MRRF: variants seen among roughly 807,000 people sequenced by gnomAD.
The protein encoded by MRRF is mitochondrial ribosome recycling factor.
A neutral mutation model predicts 25.1 loss-of-function variants in MRRF; 18 were observed. That is an observed-to-expected ratio of 0.72 (90% CI 0.50 to 1.06). The LOEUF (loss-of-function observed/expected upper bound fraction) is 1.06. Among genes scored for constraint, MRRF ranks in the 50% least tolerant of loss-of-function variants. MRRF has a pLI of 0.00. For missense variants in MRRF, 323 were observed against 319.3 expected (o/e 1.01, Z -0.09); for synonymous variants, 113 against 112.1 (o/e 1.01, Z -0.05).
intron 5 of MRRF, among the ~76,000 whole-genome samples, chr9:122,311,341 C>T (rs1835194116): frequency 6.6e-6 from 1 of 152,192 alleles, no homozygotes; most frequent in African/African-American, 2.4e-5. Context: ...GTCTTCCTCC[C>T]TCCCTTTCTC....
intron 5 of MRRF, among the ~76,000 whole-genome samples, chr9:122,310,347 C>G (rs946218689): frequency 8.5e-5 from 13 of 152,104 alleles, no homozygotes; most frequent in African/African-American, 3.1e-4. Context: ...TTCTTTGGAG[C>G]CAGGGGTTTG....
chr9:122,323,577 A>G lies in MRRF; in HGVS notation c.*960A>G, dbSNP rs1241368483. 6.6e-6 allele frequency: 1 copy of G among 152,180 alleles called. No individual in the cohort carries two copies. Among genetic ancestry groups the G allele is most frequent in the Non-Finnish European group, 1.5e-5 (1 of 68,032 alleles). 9.4% of individuals were successfully genotyped at this position (152,180 alleles called of 1,614,324 possible). On this transcript the variant is annotated 3_prime_UTR_variant, in exon 7 of 7. Coordinates refer to ENST00000344641, the MANE Select transcript of MRRF (RefSeq NM_138777.5). ...CATACCTTTCCTGCAGGGCCTGCCC[A>G]TTGTTGACAGACAAGTAGTTTATTG...
chr9:122,296,047 C>T (rs527669884), intron 5 of MRRF, among the ~76,000 whole-genome samples: 1 of 152,274 alleles, frequency 6.6e-6, no homozygotes, highest in East Asian at 1.9e-4. Context: ...AATCCTAAAT[C>T]AGTAACAGGC....
At chr9:122,285,042 C>T (rs930994289) in intron 3 of MRRF, 127 bp from the exon 4 acceptor site, 27 of 711,376 alleles carry the variant, frequency 3.8e-5, no homozygotes, top group Non-Finnish European at 6.9e-5. Flanking sequence ...CCTCCCACTT[C>T]ACTCCCAAAG....
In MRRF at chr9:122,298,853, A is replaced by T. The variant is rs1189180696; in HGVS notation, c.551+7013A>T. Among the ~76,000 whole-genome samples, 3 of 152,192 alleles carry T rather than the reference A, an allele frequency of 2.0e-5. No individual in the cohort carries two copies. The East Asian group carries it at 5.8e-4, about 29-fold the overall frequency. ...GAGAAAAATAAGGCAGTAAAAGGAA[A>T]TAAAGCATGCTGTGAAGGTGGGGAT... On this transcript the variant is annotated intron_variant, in intron 5 of 6. Transcript: ENST00000344641.
At chr9:122,282,958 A>G (rs1396985702) in intron 3 of MRRF, among the ~76,000 whole-genome samples, 1 of 152,216 alleles carries the variant, frequency 6.6e-6, no homozygotes, top group African/African-American at 2.4e-5. Context: ...AGAGAATATT[A>G]GAGTGTATTA....
At chr9:122,317,475 A>G (rs1835605543) in intron 6 of MRRF, among the ~76,000 whole-genome samples, 1 of 152,188 alleles carries the variant, frequency 6.6e-6, no homozygotes, top group East Asian at 1.9e-4. Context: ...GATATATATA[A>G]TAGTAGAAAA....
rs1564523103 is a variant in MRRF, at chr9:122,327,207, C to CATT, written c.*4590_*4591insATT. The CATT allele has an allele frequency of 6.6e-6, 1 of 152,142 alleles. No homozygotes were observed. Among genetic ancestry groups the CATT allele is most frequent in the African/African-American group, 2.4e-5 (1 of 41,406 alleles). 9.4% of individuals were successfully genotyped at this position (152,142 alleles called of 1,614,324 possible). A position where few individuals can be genotyped will look rare whatever the true frequency, so the allele number is the denominator to read the frequency against. On this transcript the variant is annotated 3_prime_UTR_variant, in exon 7 of 7. Transcript: ENST00000344641. Reference sequence around the variant, plus strand: ...TCCCCCACCTGTTTGGCCAACTTCTCTAGAATATGTCAGAGAGCAAGCAAA... The same window carrying CATT: ...TCCCCCACCTGTTTGGCCAACTTCTCATTTAGAATATGTCAGAGAGCAAGCAAA...
chr9:122,312,516 T>C (rs574077522), intron 5 of MRRF, among the ~76,000 whole-genome samples: 2 of 152,274 alleles, frequency 1.3e-5, no homozygotes, highest in Admixed American at 1.3e-4. Context: ...TACCCAGAAC[T>C]TAGGATTGTC....
intron 3 of MRRF, among the ~76,000 whole-genome samples, chr9:122,282,393 G>A (rs1304614260): frequency 6.6e-6 from 1 of 152,226 alleles, no homozygotes; most frequent in African/African-American, 2.4e-5. Flanking sequence ...TGATTAATAT[G>A]TGCTGTGGAT....
At chr9:122,276,487 G>A (rs1328392911) in intron 2 of MRRF, among the ~76,000 whole-genome samples, 1 of 152,026 alleles carries the variant, frequency 6.6e-6, no homozygotes, top group Non-Finnish European at 1.5e-5. Flanking sequence ...TTTTTATTAT[G>A]GTCATTTCTC....
intron 2 of MRRF, among the ~76,000 whole-genome samples, chr9:122,277,871 T>C (rs1396562888): frequency 6.6e-6 from 1 of 152,162 alleles, no homozygotes; most frequent in Non-Finnish European, 1.5e-5. Flanking sequence ...ACTTTCTTTA[T>C]ATCATGTTTT....
At chr9:122,276,787 T>C (rs1729187671) in intron 2 of MRRF, among the ~76,000 whole-genome samples, 1 of 152,268 alleles carries the variant, frequency 6.6e-6, no homozygotes, top group Admixed American at 6.5e-5. Flanking sequence ...TCAACTTTTC[T>C]GTTTTTTTAT....
intron 4 of MRRF, among the ~76,000 whole-genome samples, chr9:122,289,181 A>G (rs915922194): frequency 6.6e-6 from 1 of 152,234 alleles, no homozygotes; most frequent in Non-Finnish European, 1.5e-5. Flanking sequence ...ATTTTTCTGC[A>G]TATGAAAAGA....
chr9:122,297,308 CAA>C (rs910201996), intron 5 of MRRF, among the ~76,000 whole-genome samples: 1 of 150,580 alleles, frequency 6.6e-6, no homozygotes, highest in Admixed American at 6.6e-5. Flanking sequence ...GACTCCATCT[CAA>C]AAAAAAAGAG....
intron 4 of MRRF, among the ~76,000 whole-genome samples, chr9:122,290,843 C>T (rs953059384): frequency 2.0e-5 from 3 of 152,142 alleles, no homozygotes; most frequent in Admixed American, 2.0e-4. Context: ...AGTGTGCCAG[C>T]TGGCACATTA....
rs143903794 is a variant in MRRF, at chr9:122,274,800, CTTCTT to C, written c.184+3731_184+3735del. Among the ~76,000 whole-genome samples, 785 of 151,786 alleles carry C rather than the reference CTTCTT, an allele frequency of 5.2e-3. 11 individuals are homozygous for C. The East Asian group carries it at 0.056, about 11-fold the overall frequency. Reference sequence around the variant, plus strand: ...AATATTATTTATCTGCATCTACTTTCTTCTTTTCTTAATTGTTCTTGACAGAAGTT... The same window carrying C: ...AATATTATTTATCTGCATCTACTTTCTTCTTAATTGTTCTTGACAGAAGTT... On this transcript the variant is annotated intron_variant, in intron 2 of 6. Coordinates refer to ENST00000344641, the MANE Select transcript of MRRF (RefSeq NM_138777.5).
intron 3 of MRRF, among the ~76,000 whole-genome samples, chr9:122,282,258 T>A (rs779151704): frequency 6.6e-6 from 1 of 152,240 alleles, no homozygotes; most frequent in African/African-American, 2.4e-5. Flanking sequence ...CCCAGATAAC[T>A]GACACCTTTT....
At chr9:122,299,272 C>A (rs557865064) in intron 5 of MRRF, among the ~76,000 whole-genome samples, 20 of 151,856 alleles carry the variant, frequency 1.3e-4, no homozygotes, top group African/African-American at 4.6e-4. Context: ...GTAATCCCAG[C>A]TACTCAGAAG....
Sources: allele counts gnomAD v4.1 joint callset (sites outside exome capture counted in the v4.1 genomes callset), GRCh38; gene constraint gnomAD v4.1.1; transcripts MANE v1.5; gene names NCBI Gene and HGNC (gene_info 2026-07-23, HGNC 2026-07-21).